KCNAB1: variants seen among roughly 807,000 people sequenced by gnomAD.
KCNAB1 encodes the protein potassium voltage-gated channel subfamily A regulatory beta subunit 1.
KCNAB1 carries 35 observed loss-of-function variants against 64.6 expected under a neutral mutation model. The observed-to-expected ratio is 0.54, with a 90% CI of 0.41 to 0.72. The LOEUF is 0.72. Among genes scored for constraint, KCNAB1 ranks in the 30% least tolerant of loss-of-function variants. The pLI, the probability that KCNAB1 is intolerant of heterozygous loss-of-function variation, is 0.00. For synonymous variants in KCNAB1, 177 were observed against 183.8 expected (o/e 0.96, Z 0.30); for missense variants, 401 against 512.9 (o/e 0.78, Z 2.11).
At chr3:156,274,167 C>G (rs1336696403) in intron 1 of KCNAB1, among the ~76,000 whole-genome samples, 1 of 151,946 alleles carries the variant, frequency 6.6e-6, no homozygotes, top group Admixed American at 6.6e-5. Context: ...CTGATACATA[C>G]CTTGAAAAAT....
intron 1 of KCNAB1, among the ~76,000 whole-genome samples, chr3:156,206,035 A>G (rs1714640405): frequency 6.6e-6 from 1 of 152,194 alleles, no homozygotes; most frequent in Admixed American, 6.5e-5. Context: ...GTCCTATCAT[A>G]TTCTACCTTC....
At chr3:156,451,934 G>A (rs1261648174) in intron 2 of KCNAB1, among the ~76,000 whole-genome samples, 1 of 152,078 alleles carries the variant, frequency 6.6e-6, no homozygotes, top group East Asian at 1.9e-4. Flanking sequence ...TCTAAATAGA[G>A]CACTCCCTTT....
intron 1 of KCNAB1, among the ~76,000 whole-genome samples, chr3:156,351,439 C>T (rs1420777572): frequency 6.6e-6 from 1 of 152,244 alleles, no homozygotes; most frequent in Non-Finnish European, 1.5e-5. Context: ...CTTTCAGCAT[C>T]CACTTGATGT....
In KCNAB1 at chr3:156,537,129, CG is replaced by C. The variant is rs780843712; in HGVS notation, c.*383del. On this transcript the variant is annotated 3_prime_UTR_variant, in exon 14 of 14. Transcript: ENST00000490337. ...AAATCCACAGATGCAATGTGAGTTG[CG>C]TAAGAAACAGAGTAGATAGACTAAA... 133 of 399,620 alleles carry C rather than the reference CG, an allele frequency of 3.3e-4. No homozygotes were observed. The highest frequency in any genetic ancestry group is 3.1e-3 in the Middle Eastern group (5 of 1,594). 24.8% of individuals were successfully genotyped at this position (399,620 alleles called of 1,614,324 possible).
chr3:156,229,961 A>T (rs1213264744), intron 1 of KCNAB1, among the ~76,000 whole-genome samples: 2 of 152,186 alleles, frequency 1.3e-5, no homozygotes, highest in East Asian at 3.8e-4. Flanking sequence ...TAGACATCTA[A>T]CACATACTTA....
chr3:156,142,026 C>G lies in KCNAB1; in HGVS notation c.275+21140C>G, dbSNP rs150041510. On this transcript the variant is annotated intron_variant, in intron 1 of 13. Transcript: ENST00000490337. ...TAATGGCTAATGATCTTTTGATGCT[C>G]TTATGTGCCATCTGTATATCTTCTT... Among the ~76,000 whole-genome samples, 911 of 152,308 alleles carry G rather than the reference C, an allele frequency of 6.0e-3. 10 individuals carry two copies. The highest frequency in any genetic ancestry group is 0.021 in the African/African-American group (870 of 41,584).
At chr3:156,326,939 AAAC>A (rs1011509905) in intron 1 of KCNAB1, among the ~76,000 whole-genome samples, 94 of 152,190 alleles carry the variant, frequency 6.2e-4, no homozygotes, top group Admixed American at 1.1e-3. Flanking sequence ...TTAAGAGTAG[AAAC>A]AACATTTATC....
chr3:156,333,971 A>G (rs1053354716), intron 1 of KCNAB1, among the ~76,000 whole-genome samples: 9 of 152,132 alleles, frequency 5.9e-5, no homozygotes, highest in East Asian at 3.8e-4. Context: ...CTTTTTAGAT[A>G]TCAGGCAGAA....
chr3:156,330,450 G>A (rs986506914), intron 1 of KCNAB1, among the ~76,000 whole-genome samples: 1 of 152,036 alleles, frequency 6.6e-6, no homozygotes, highest in Non-Finnish European at 1.5e-5. Context: ...GACCAGGAAG[G>A]CTTCCAAAAA....
At chr3:156,318,765 T>A (rs1722464520) in intron 1 of KCNAB1, among the ~76,000 whole-genome samples, 2 of 152,244 alleles carry the variant, frequency 1.3e-5, no homozygotes, top group Non-Finnish European at 2.9e-5. Flanking sequence ...AGGAGCCCAC[T>A]TCTGGGAGGA....
Position 156,537,230 on chromosome 3 carries a change from T to C in KCNAB1, c.*483T>C. The C allele has an allele frequency of 3.0e-6, 1 of 335,488 alleles. No homozygotes were observed. Among genetic ancestry groups the C allele is most frequent in the Non-Finnish European group, 5.0e-6 (1 of 200,268 alleles). The allele number at this position is 335,488 out of a possible 1,614,324, so 20.8% of individuals were successfully genotyped here. On this transcript the variant is annotated 3_prime_UTR_variant, in exon 14 of 14. Transcript: ENST00000490337. ...GTTAAGTAAATAGTTATTAAAAATA[T>C]ATCTCACTGCAAAAAAAAAAAAGCA...
At chr3:156,176,869 C>G in intron 1 of KCNAB1, 1 of 1,161,366 alleles carries the variant, frequency 8.6e-7, no homozygotes. Flanking sequence ...TTGACTGGGA[C>G]CAGCGGTAAC....
At chr3:156,221,455 G>T (rs575467282) in intron 1 of KCNAB1, among the ~76,000 whole-genome samples, 2 of 152,170 alleles carry the variant, frequency 1.3e-5, no homozygotes, top group South Asian at 2.1e-4. Context: ...CCTATCTTTA[G>T]CCCCCTTCAT....
intron 2 of KCNAB1, among the ~76,000 whole-genome samples, chr3:156,434,271 G>A (rs1716433929): frequency 6.6e-6 from 1 of 152,208 alleles, no homozygotes; most frequent in South Asian, 2.1e-4. Context: ...CAGATGGCAA[G>A]GTGGTGAGGG....
At chr3:156,416,821 C>T (rs1168837104) in intron 1 of KCNAB1, among the ~76,000 whole-genome samples, 2 of 152,280 alleles carry the variant, frequency 1.3e-5, no homozygotes, top group South Asian at 2.1e-4. Flanking sequence ...TACGGATCAT[C>T]GGGTGTTTTA....
At chr3:156,197,547 T>A (rs1035901693) in intron 1 of KCNAB1, among the ~76,000 whole-genome samples, 2 of 152,234 alleles carry the variant, frequency 1.3e-5, no homozygotes, top group African/African-American at 4.8e-5. Flanking sequence ...AGGGTGTATA[T>A]ATCCAAGAAT....
At chr3:156,279,330 T>G (rs1218496360) in intron 1 of KCNAB1, among the ~76,000 whole-genome samples, 6 of 152,082 alleles carry the variant, frequency 3.9e-5, no homozygotes, top group Non-Finnish European at 8.8e-5. Context: ...TATTCCATGG[T>G]GTATATGTGC....
At chr3:156,438,650 T>G (rs1716757529) in intron 2 of KCNAB1, among the ~76,000 whole-genome samples, 1 of 152,224 alleles carries the variant, frequency 6.6e-6, no homozygotes, top group Non-Finnish European at 1.5e-5. Flanking sequence ...TGTATGCTTG[T>G]ACTAGTACTA....
At position 156,463,709 on chromosome 3, in the gene KCNAB1, A is replaced by G. The variant is rs751670183; in HGVS notation, c.490A>G (p.Ser164Gly). ...TGTCTTTTTGATATACAGGAGGTCC[A>G]GTCTGGTCATAACAACCAAACTCTA... ...IIKKKGWRRS[S>G]LVITTKLYWG... Residue 164 changes from serine to glycine, a missense_variant, in exon 6 of 14, where the codon AGT becomes GGT. Coordinates refer to ENST00000490337, the MANE Select transcript of KCNAB1 (RefSeq NM_172160.3). 1 of 1,605,354 alleles carries G rather than the reference A, an allele frequency of 6.2e-7. No individual in the cohort carries two copies.
Sources: allele counts gnomAD v4.1 joint callset (sites outside exome capture counted in the v4.1 genomes callset), GRCh38; gene constraint gnomAD v4.1.1; transcripts MANE v1.5; gene names NCBI Gene and HGNC (gene_info 2026-07-23, HGNC 2026-07-21).